TM4SF20: variants seen among roughly 807,000 people sequenced by gnomAD.
TM4SF20 encodes the protein transmembrane 4 L6 family member 20.
TM4SF20 carries 13 observed loss-of-function variants against 15.1 expected under a neutral mutation model. The observed-to-expected ratio is 0.86, with a 90% CI of 0.56 to 1.36. The LOEUF is 1.36. TM4SF20 is among the 40% of genes most tolerant of loss of function. The pLI, the probability that TM4SF20 is intolerant of heterozygous loss-of-function variation, is 0.00. For missense variants in TM4SF20, 282 were observed against 268.4 expected (o/e 1.05, Z -0.35); for synonymous variants, 92 against 96.6 (o/e 0.95, Z 0.28).
intron 1 of TM4SF20, among the ~76,000 whole-genome samples, chr2:227,374,516 C>T (rs1487435469): frequency 1.3e-5 from 2 of 152,084 alleles, no homozygotes; most frequent in Non-Finnish European, 2.9e-5. Flanking sequence ...TGAGAACACA[C>T]TTTCTCTTCA....
intron 3 of TM4SF20, among the ~76,000 whole-genome samples, chr2:227,365,474 A>C (rs570709091): frequency 1.3e-5 from 2 of 152,342 alleles, no homozygotes; most frequent in East Asian, 3.9e-4. Context: ...TATTAAGTAC[A>C]TGTAACTCTC....
At chr2:227,373,927 CA>C (rs373068376) in intron 1 of TM4SF20, among the ~76,000 whole-genome samples, 46,752 of 102,570 alleles carry the variant, frequency 0.46, 9,172 homozygotes, top group Non-Finnish European at 0.53. Flanking sequence ...GACTCCGTCT[CA>C]AAAAAAAAAA....
intron 2 of TM4SF20, among the ~76,000 whole-genome samples, chr2:227,367,742 T>G (rs370508284): frequency 5.9e-5 from 9 of 152,178 alleles, no homozygotes; most frequent in South Asian, 4.1e-4. Context: ...GCTCTACATA[T>G]ATCATCTCAT....
At chr2:227,373,224 C>A (rs1285582458) in intron 1 of TM4SF20, among the ~76,000 whole-genome samples, 2 of 152,168 alleles carry the variant, frequency 1.3e-5, no homozygotes, top group East Asian at 3.9e-4. Context: ...CTTTACAAGG[C>A]AGCTTTCCTA....
At chr2:227,372,470 C>T (rs1351440984) in intron 1 of TM4SF20, among the ~76,000 whole-genome samples, 1 of 151,922 alleles carries the variant, frequency 6.6e-6, no homozygotes, top group Non-Finnish European at 1.5e-5. Flanking sequence ...ATGAGGAAAC[C>T]CCGTCTCTAC....
chr2:227,370,426 C>T (rs2076414898), intron 2 of TM4SF20, among the ~76,000 whole-genome samples: 1 of 151,996 alleles, frequency 6.6e-6, no homozygotes, highest in South Asian at 2.1e-4. Flanking sequence ...CAAAAAAACC[C>T]GTCTCACTTT....
At chr2:227,373,473 C>T (rs2076430980) in intron 1 of TM4SF20, among the ~76,000 whole-genome samples, 1 of 152,178 alleles carries the variant, frequency 6.6e-6, no homozygotes, top group Non-Finnish European at 1.5e-5. Flanking sequence ...TACACATAAG[C>T]TGTACTGCCT....
Position 227,372,368 on chromosome 2 carries a change from G to A in TM4SF20, c.184-1388C>T, listed in dbSNP as rs541830258. On this transcript the variant is annotated intron_variant, in intron 1 of 3. Coordinates refer to ENST00000304568, the MANE Select transcript of TM4SF20 (RefSeq NM_024795.4). Reference sequence around the variant, plus strand: ...GGGATTCAAAACTAGTCATTTGGCTGGGCGCGGTGGCTCATGTCTGTAATC... The same window carrying A: ...GGGATTCAAAACTAGTCATTTGGCTAGGCGCGGTGGCTCATGTCTGTAATC... Among the ~76,000 whole-genome samples, 7 of 152,196 alleles carry A rather than the reference G, an allele frequency of 4.6e-5. No homozygotes were observed. In the South Asian group the frequency reaches 1.2e-3, roughly 27 times the overall value.
chr2:227,363,547 T>G lies in TM4SF20; in HGVS notation c.*177A>C. On this transcript the variant is annotated 3_prime_UTR_variant, in exon 4 of 4. Transcript: ENST00000304568. ...TTTGAATAGTACAACACAAAACTAATTGAAAATTCTCTCCACCTTTCCCAA... is the reference window on the plus strand; with the variant it reads ...TTTGAATAGTACAACACAAAACTAAGTGAAAATTCTCTCCACCTTTCCCAA... The G allele has an allele frequency of 1.5e-6, 1 of 651,208 alleles. No individual in the cohort carries two copies. The highest frequency in any genetic ancestry group is 2.6e-6 in the Non-Finnish European group (1 of 389,898). The allele number at this position is 651,208 out of a possible 1,614,324, so 40.3% of individuals were successfully genotyped here. A position where few individuals can be genotyped will look rare whatever the true frequency, so the allele number is the denominator to read the frequency against.
intron 1 of TM4SF20, among the ~76,000 whole-genome samples, chr2:227,374,278 T>C (rs1324439058): frequency 6.6e-6 from 1 of 152,162 alleles, no homozygotes; most frequent in Non-Finnish European, 1.5e-5. Flanking sequence ...TTACTTACAG[T>C]GTATAAGTCA....
chr2:227,375,242 A>G (rs1466483913), intron 1 of TM4SF20, among the ~76,000 whole-genome samples: 1 of 151,996 alleles, frequency 6.6e-6, no homozygotes, highest in Non-Finnish European at 1.5e-5. Context: ...AAAATTTAAG[A>G]TAAGCTGGGC....
In TM4SF20 at chr2:227,366,716, C is replaced by CA. The variant is rs59401554; in HGVS notation, c.250-473dup. 4.8e-3 allele frequency among the ~76,000 whole-genome samples: 324 copies of CA among 68,196 alleles called. 43 individuals are homozygous for CA. Among genetic ancestry groups the CA allele is most frequent in the East Asian group, 0.013 (22 of 1,732 alleles). 44.7% of individuals were successfully genotyped at this position (68,196 alleles called of 152,430 possible). On this transcript the variant is annotated intron_variant, in intron 2 of 3. Transcript: ENST00000304568. ...GCTGGGTGACAGAGCAAGACTCTGT[C>CA]AAAAAAAAAAAAAAAAAAAAAAAAA...
chr2:227,366,947 T>A (rs1490575384), intron 2 of TM4SF20, among the ~76,000 whole-genome samples: 1 of 152,062 alleles, frequency 6.6e-6, no homozygotes, highest in Admixed American at 6.6e-5. Context: ...TTGGCCCTGA[T>A]GCTTTAAGTG....
At chr2:227,375,365 C>T (rs1220340978) in intron 1 of TM4SF20, among the ~76,000 whole-genome samples, 12 of 152,142 alleles carry the variant, frequency 7.9e-5, no homozygotes, top group Non-Finnish European at 1.8e-4. Flanking sequence ...TGCATTCTAG[C>T]TTGAGTGACA....
chr2:227,365,959 T>TA (rs2106488450), intron 3 of TM4SF20, 134 bp downstream of exon 3: 1 of 872,404 alleles, frequency 1.1e-6, no homozygotes, highest in East Asian at 2.8e-5. Flanking sequence ...GTTAATGTAC[T>TA]AAAATTCCTA....
intron 1 of TM4SF20, among the ~76,000 whole-genome samples, chr2:227,374,925 C>CA (rs10680148): frequency 0.12 from 17,222 of 139,186 alleles, 1,241 homozygotes; most frequent in African/African-American, 0.2. Context: ...ACCCTATCTA[C>CA]AAAAAAAAAA....
chr2:227,376,659 C>T (rs772993024), intron 1 of TM4SF20, among the ~76,000 whole-genome samples: 11 of 152,310 alleles, frequency 7.2e-5, no homozygotes, highest in East Asian at 1.9e-4. Flanking sequence ...AACTGTTCCA[C>T]GAGTTTCTAT....
Position 227,363,570 on chromosome 2 carries a change from C to G in TM4SF20, c.*154G>C. 1 of 763,758 alleles carries G rather than the reference C, an allele frequency of 1.3e-6. No individual in the cohort carries two copies. The allele number at this position is 763,758 out of a possible 1,614,324, so 47.3% of individuals were successfully genotyped here. A position where few individuals can be genotyped will look rare whatever the true frequency, so the allele number is the denominator to read the frequency against. On this transcript the variant is annotated 3_prime_UTR_variant, in exon 4 of 4. Coordinates refer to ENST00000304568, the MANE Select transcript of TM4SF20 (RefSeq NM_024795.4). Reference sequence around the variant, plus strand: ...AATTGAAAATTCTCTCCACCTTTCCCAAATCAACCACTGATATGAGAGTGT... The same window carrying G: ...AATTGAAAATTCTCTCCACCTTTCCGAAATCAACCACTGATATGAGAGTGT...
chr2:227,363,511 G>A lies in TM4SF20; in HGVS notation c.*213C>T. ...TTCTCCTTTCTCTACACACAGTGAA[G>A]AGGTAAAAAATTTGAATAGTACAAC... On this transcript the variant is annotated 3_prime_UTR_variant, in exon 4 of 4. Transcript: ENST00000304568. 4.1e-6 allele frequency: 2 copies of A among 487,590 alleles called. No homozygotes were observed. The highest frequency in any genetic ancestry group is 7.2e-6 in the Non-Finnish European group (2 of 276,676). The allele number at this position is 487,590 out of a possible 1,614,324, so 30.2% of individuals were successfully genotyped here. A position where few individuals can be genotyped will look rare whatever the true frequency, so the allele number is the denominator to read the frequency against.
Sources: gnomAD v4.1 joint callset for allele counts (sites outside exome capture counted in the v4.1 genomes callset) on GRCh38, gnomAD v4.1.1 for gene constraint, MANE v1.5 for transcripts, NCBI Gene and HGNC (gene_info 2026-07-23, HGNC 2026-07-21) for gene names.